Variants in ACSF2 observed in about 807,000 individuals in gnomAD.
ACSF2 encodes the protein medium-chain acyl-CoA ligase ACSF2, mitochondrial.
A neutral mutation model predicts 79.3 loss-of-function variants in ACSF2; 52 were observed. That is an observed-to-expected ratio of 0.66 (90% CI 0.53 to 0.83). ACSF2 has a LOEUF of 0.83. ACSF2 is among the 40% of genes least tolerant of loss of function. ACSF2 has a pLI of 0.00. For synonymous variants in ACSF2, 283 were observed against 312.6 expected, an observed-to-expected ratio of 0.91 and a Z score of 1.00; for missense variants, 661 against 803.3, an observed-to-expected ratio of 0.82 and a Z score of 2.14.
At chr17:50,439,832 G>C (rs1314377593) in intron 1 of ACSF2, among the ~76,000 whole-genome samples, 2 of 152,162 alleles carry the variant, frequency 1.3e-5, no homozygotes, top group Non-Finnish European at 2.9e-5. Flanking sequence ...CCGCTCTGGT[G>C]GGGGTGAAAG....
intron 10 of ACSF2, among the ~76,000 whole-genome samples, chr17:50,470,442 G>GT (rs2033059638): frequency 6.6e-6 from 1 of 151,976 alleles, no homozygotes; most frequent in South Asian, 2.1e-4. Context: ...TGCTTAGGTT[G>GT]TTTTTTTATT....
intron 1 of ACSF2, among the ~76,000 whole-genome samples, chr17:50,433,347 C>T (rs1386675920): frequency 6.6e-6 from 1 of 151,956 alleles, no homozygotes; most frequent in African/African-American, 2.4e-5. Context: ...CCTCGTGATC[C>T]GCCTGCCTTG....
intron 10 of ACSF2, chr17:50,465,723 G>T (rs2032661370): frequency 1.9e-6 from 3 of 1,613,700 alleles, no homozygotes; most frequent in East Asian, 2.2e-5. Context: ...AGGCCCCGGA[G>T]CTGGCAGGTA....
chr17:50,468,782 C>T (rs1370459466), intron 10 of ACSF2: 6 of 1,569,304 alleles, frequency 3.8e-6, no homozygotes, highest in Non-Finnish European at 5.2e-6. Context: ...AGCCAGGAGG[C>T]CGAGGCTGAG....
In ACSF2 at chr17:50,461,044, T is replaced by C. The variant is rs1176226426; in HGVS notation, c.324+172T>C. On this transcript the variant is annotated intron_variant, in intron 2 of 15. Transcript: ENST00000300441. ...CAGGACTGACGCACAAGGGGTCCAA[T>C]GCCTCCTGTATCAGCAGCTCCTGGG... The C allele has an allele frequency of 5.4e-6, 6 of 1,108,452 alleles. No individual in the cohort carries two copies. In the African/African-American group the frequency reaches 6.3e-5, roughly 12 times the overall value. 68.7% of individuals were successfully genotyped at this position (1,108,452 alleles called of 1,614,324 possible).
At chr17:50,437,620 C>T (rs1231469057) in intron 1 of ACSF2, among the ~76,000 whole-genome samples, 1 of 151,870 alleles carries the variant, frequency 6.6e-6, no homozygotes, top group East Asian at 1.9e-4. Flanking sequence ...CACGCCATTG[C>T]ACTCCAGCCT....
At position 50,471,106 on chromosome 17, in the gene ACSF2, A is replaced by G; in HGVS notation, c.1294A>G (p.Ser432Gly). Reference protein sequence around the residue: ...PEDTVEQKAESVGRIMPHTEA... With the variant: ...PEDTVEQKAEGVGRIMPHTEA... ...GGACACTGTGGAGCAGAAGGCAGAA[A>G]GCGTGGGCAGAATTATGCCTCACAC... Residue 432 changes from serine to glycine, a missense_variant, in exon 11 of 16, where the codon AGC becomes GGC. Coordinates refer to ENST00000300441, the MANE Select transcript of ACSF2 (RefSeq NM_025149.6). The surrounding 1 kb of genome is among the most constrained non-coding windows in gnomAD (Gnocchi z 4.1). 1 of 1,614,026 alleles carries G rather than the reference A, an allele frequency of 6.2e-7. No homozygotes were observed. Among genetic ancestry groups the G allele is most frequent in the South Asian group, 1.1e-5 (1 of 91,052 alleles).
In ACSF2 at chr17:50,474,654, C is replaced by T; in HGVS notation, c.*102C>T. The T allele has an allele frequency of 8.1e-7, 1 of 1,230,728 alleles. No individual in the cohort carries two copies. The highest frequency in any genetic ancestry group is 1.2e-5 in the South Asian group (1 of 80,594). 76.2% of individuals were successfully genotyped at this position (1,230,728 alleles called of 1,614,324 possible). The stretch of plus-strand genomic sequence containing the variant: ...ATGTCCCCAGCACCCAGTTCTGAGC[C>T]AGGCACATCAAATGTCAAGGAATTG... On this transcript the variant is annotated 3_prime_UTR_variant, in exon 16 of 16. Coordinates refer to ENST00000300441, the MANE Select transcript of ACSF2 (RefSeq NM_025149.6). This position sits in a 1 kb window ranked among gnomAD's most constrained non-coding sequence, Gnocchi z 4.2.
chr17:50,433,111 C>CTTTTTT (rs35016953), intron 1 of ACSF2, among the ~76,000 whole-genome samples: 2 of 143,956 alleles, frequency 1.4e-5, no homozygotes, highest in African/African-American at 5.1e-5. Context: ...TTTTCTTTTT[C>CTTTTTT]TTTTTTTTTT....
At chr17:50,453,007 C>T (rs1488164995) in intron 1 of ACSF2, among the ~76,000 whole-genome samples, 1 of 152,082 alleles carries the variant, frequency 6.6e-6, no homozygotes, top group African/African-American at 2.4e-5. Context: ...CCAGAAGGAA[C>T]AGGAATCACC....
At chr17:50,439,120 G>T (rs1054562902) in intron 1 of ACSF2, among the ~76,000 whole-genome samples, 1 of 151,216 alleles carries the variant, frequency 6.6e-6, no homozygotes, top group African/African-American at 2.4e-5. Context: ...CAGGCTGCTG[G>T]AGTGCAATGA....
At chr17:50,456,884 A>T (rs188801018) in intron 1 of ACSF2, among the ~76,000 whole-genome samples, 7 of 151,864 alleles carry the variant, frequency 4.6e-5, no homozygotes, top group African/African-American at 1.7e-4. Flanking sequence ...ACATAGTAAG[A>T]CTCCATCTCT....
intron 1 of ACSF2, among the ~76,000 whole-genome samples, chr17:50,444,255 T>G (rs1431576045): frequency 6.6e-6 from 1 of 152,080 alleles, no homozygotes; most frequent in Non-Finnish European, 1.5e-5. Context: ...GAATTGAGTT[T>G]GAAATATCAG....
chr17:50,463,446 G>A lies in ACSF2; in HGVS notation c.940G>A (p.Gly314Ser), dbSNP rs1362529850. The A allele has an allele frequency of 6.2e-7, 1 of 1,614,162 alleles. No individual in the cohort carries two copies. The highest frequency in any genetic ancestry group is 8.5e-7 in the Non-Finnish European group (1 of 1,180,036). Residue 314 changes from glycine to serine, a missense_variant, in exon 8 of 16, where the codon GGT becomes AGT. Gly to Ser is a moderately conservative substitution (Grantham distance 56, BLOSUM62 0). Coordinates refer to ENST00000300441, the MANE Select transcript of ACSF2 (RefSeq NM_025149.6). This position sits in a 1 kb window ranked among gnomAD's most constrained non-coding sequence, Gnocchi z 4.6. ...ILPNPLYHCL[G>S]SVAGTMMCLM... ...GCCCAACCCCCTGTACCATTGCCTG[G>A]GTTCCGTGGCAGGCACAATGATGTG...
chr17:50,446,210 T>G (rs2031288257), intron 1 of ACSF2, among the ~76,000 whole-genome samples: 1 of 152,232 alleles, frequency 6.6e-6, no homozygotes, highest in South Asian at 2.1e-4. Flanking sequence ...AAATTTAGTT[T>G]ATTAATTATG....
At chr17:50,442,845 AT>A (rs148522897) in intron 1 of ACSF2, among the ~76,000 whole-genome samples, 59 of 150,278 alleles carry the variant, frequency 3.9e-4, no homozygotes, top group Middle Eastern at 3.4e-3. Flanking sequence ...CATAGGAATA[AT>A]TTTTTTTTCC....
intron 10 of ACSF2, chr17:50,468,039 C>T (rs1010255106): frequency 1.9e-6 from 3 of 1,579,112 alleles, no homozygotes; most frequent in Non-Finnish European, 2.6e-6. Flanking sequence ...CAGGAGCTCA[C>T]CTTCTCCAGG....
At chr17:50,433,660 C>G (rs1407507642) in intron 1 of ACSF2, among the ~76,000 whole-genome samples, 2 of 152,138 alleles carry the variant, frequency 1.3e-5, no homozygotes, top group Admixed American at 6.5e-5. Flanking sequence ...ACTCTGTCAC[C>G]TGGGATGGAG....
intron 1 of ACSF2, among the ~76,000 whole-genome samples, chr17:50,441,543 C>T (rs1328506957): frequency 6.6e-6 from 1 of 152,182 alleles, no homozygotes; most frequent in African/African-American, 2.4e-5. Flanking sequence ...TCTTGGAAGC[C>T]AGGCAGTCCT....
Sources: gnomAD v4.1 joint callset for allele counts (sites outside exome capture counted in the v4.1 genomes callset) on GRCh38, gnomAD v4.1.1 for gene constraint, Gnocchi (gnomAD v3.1) non-coding constraint, MANE v1.5 for transcripts, NCBI Gene and HGNC (gene_info 2026-07-23, HGNC 2026-07-21) for gene names.